RNF152: variants seen among roughly 807,000 people sequenced by gnomAD.
The protein encoded by RNF152 is E3 ubiquitin-protein ligase RNF152.
A neutral mutation model predicts 12.7 loss-of-function variants in RNF152; 11 were observed. The ratio of observed to expected loss-of-function variants is 0.86; its 90% CI spans 0.54 to 1.43. The LOEUF (loss-of-function observed/expected upper bound fraction) is 1.43. Among genes scored for constraint, RNF152 ranks in the 40% most tolerant of loss-of-function variants. The pLI is 0.00. For missense variants in RNF152, 255 were observed against 274.8 expected, an observed-to-expected ratio of 0.93 and a Z score of 0.51; for synonymous variants, 113 against 120.3, an observed-to-expected ratio of 0.94 and a Z score of 0.40.
chr18:61,848,591 G>A (rs1034991642), intron 1 of RNF152, among the ~76,000 whole-genome samples: 7 of 152,166 alleles, frequency 4.6e-5, no homozygotes, highest in African/African-American at 9.6e-5. Context: ...GAGAGGCTTC[G>A]GAAGGAACTG....
intron 1 of RNF152, among the ~76,000 whole-genome samples, chr18:61,872,827 T>C (rs956293676): frequency 2.0e-5 from 3 of 152,194 alleles, no homozygotes; most frequent in African/African-American, 7.2e-5. Context: ...ATTACTAAAG[T>C]ACACCATGAC....
intron 1 of RNF152, among the ~76,000 whole-genome samples, chr18:61,868,130 C>T (rs193034774): frequency 5.1e-4 from 78 of 152,306 alleles, no homozygotes; most frequent in South Asian, 1.2e-3. Flanking sequence ...TCATTTTCCT[C>T]GTAGCCAGCA....
intron 1 of RNF152, among the ~76,000 whole-genome samples, chr18:61,840,675 T>A (rs1379025464): frequency 6.6e-6 from 1 of 152,122 alleles, no homozygotes; most frequent in Non-Finnish European, 1.5e-5. Flanking sequence ...GCTTCTAGAA[T>A]GGGGGCCTAG....
At chr18:61,839,048 T>C (rs1376790576) in intron 1 of RNF152, among the ~76,000 whole-genome samples, 2 of 131,258 alleles carry the variant, frequency 1.5e-5, no homozygotes, top group Non-Finnish European at 3.5e-5. Flanking sequence ...GATCCCACTC[T>C]GTGGCCAAAA....
chr18:61,881,720 C>T (rs1328217781), intron 1 of RNF152, among the ~76,000 whole-genome samples: 1 of 152,154 alleles, frequency 6.6e-6, no homozygotes, highest in Non-Finnish European at 1.5e-5. Context: ...TCATTGCAAA[C>T]TAGATTTGCC....
intron 1 of RNF152, among the ~76,000 whole-genome samples, chr18:61,869,332 G>C (rs1246742743): frequency 1.3e-5 from 2 of 152,110 alleles, no homozygotes; most frequent in Admixed American, 6.5e-5. Context: ...AAAGAAAACT[G>C]GTCTCCAAGA....
At chr18:61,880,516 C>T (rs1912415984) in intron 1 of RNF152, among the ~76,000 whole-genome samples, 1 of 152,132 alleles carries the variant, frequency 6.6e-6, no homozygotes. Flanking sequence ...CCACTGCCTC[C>T]CAGATAACGT....
At chr18:61,893,795 C>T (rs1020413608), upstream of RNF152, 2 of 152,032 alleles carry the variant, frequency 1.3e-5, no homozygotes, top group African/African-American at 2.4e-5. Context: ...ACGAGGAAAG[C>T]TCCCTCGGAC....
At chr18:61,868,422 T>G (rs1911836396) in intron 1 of RNF152, among the ~76,000 whole-genome samples, 1 of 151,920 alleles carries the variant, frequency 6.6e-6, no homozygotes, top group African/African-American at 2.4e-5. Context: ...TAAGTACAGG[T>G]TTTAGGTCGG....
intron 1 of RNF152, among the ~76,000 whole-genome samples, chr18:61,838,630 C>G (rs574082207): frequency 1.3e-5 from 2 of 152,166 alleles, no homozygotes; most frequent in Non-Finnish European, 2.9e-5. Context: ...TAGCCACAGA[C>G]GGTCCCCAGA....
intron 1 of RNF152, among the ~76,000 whole-genome samples, chr18:61,864,054 C>T (rs1343347285): frequency 1.3e-5 from 2 of 152,206 alleles, no homozygotes; most frequent in African/African-American, 2.4e-5. Context: ...ACCCATAGAA[C>T]ATTTCTGACA....
intron 1 of RNF152, among the ~76,000 whole-genome samples, chr18:61,851,303 T>G (rs1313038709): frequency 6.6e-6 from 1 of 152,178 alleles, no homozygotes; most frequent in Non-Finnish European, 1.5e-5. Flanking sequence ...TTCACAAGGG[T>G]GTCCACTCTG....
intron 1 of RNF152, among the ~76,000 whole-genome samples, chr18:61,873,450 G>T (rs918291013): frequency 6.6e-6 from 1 of 152,298 alleles, no homozygotes; most frequent in African/African-American, 2.4e-5. Context: ...CGATTCTCCT[G>T]CCTCAGCCTC....
At chr18:61,852,942 T>C (rs1041728792) in intron 1 of RNF152, among the ~76,000 whole-genome samples, 7 of 152,216 alleles carry the variant, frequency 4.6e-5, no homozygotes, top group African/African-American at 1.7e-4. Context: ...AGAAGCCCTT[T>C]TTATTGTTCT....
At chr18:61,864,610 T>C (rs1441658049) in intron 1 of RNF152, among the ~76,000 whole-genome samples, 1 of 152,190 alleles carries the variant, frequency 6.6e-6, no homozygotes, top group Admixed American at 6.5e-5. Context: ...TTCGCCCTTC[T>C]TCCCTACCAG....
intron 1 of RNF152, among the ~76,000 whole-genome samples, chr18:61,819,790 G>A (rs933005828): frequency 3.1e-4 from 47 of 152,150 alleles, no homozygotes; most frequent in African/African-American, 9.4e-4. Context: ...GGAGGCCAAG[G>A]CAGGTGGATC....
chr18:61,831,130 A>G (rs1909921349), intron 1 of RNF152, among the ~76,000 whole-genome samples: 1 of 152,228 alleles, frequency 6.6e-6, no homozygotes, highest in South Asian at 2.1e-4. Context: ...AAACCTTAAC[A>G]GCACTCAAAT....
chr18:61,876,753 C>T (rs1912232580), intron 1 of RNF152, among the ~76,000 whole-genome samples: 1 of 152,158 alleles, frequency 6.6e-6, no homozygotes, highest in African/African-American at 2.4e-5. Flanking sequence ...TACTCTACCC[C>T]GTAGGATTGC....
At chr18:61,858,146 T>C (rs1438478956) in intron 1 of RNF152, among the ~76,000 whole-genome samples, 1 of 152,196 alleles carries the variant, frequency 6.6e-6, no homozygotes, top group Non-Finnish European at 1.5e-5. Flanking sequence ...TAGAGACATT[T>C]AGGTAGTTTG....
Sources: allele counts gnomAD v4.1 joint callset (sites outside exome capture counted in the v4.1 genomes callset), GRCh38; gene constraint gnomAD v4.1.1; transcripts MANE v1.5; gene names NCBI Gene and HGNC (gene_info 2026-07-23, HGNC 2026-07-21).